BLTP3B: variants seen among roughly 807,000 people sequenced by gnomAD.
The protein encoded by BLTP3B is UHRF1 (ICBP90) binding protein 1-like.
At chr12:100,140,721 A>ATATATATTATAT in the BLTP3B span, among the ~76,000 whole-genome samples, 1 of 108,328 alleles carries the variant, frequency 9.2e-6, no homozygotes, top group African/African-American at 5.1e-5. Context: ...AAAAAAAAAA[A>ATATATATTATAT]AAAAAAAAAT....
chr12:100,052,799 T>G, the BLTP3B span, among the ~76,000 whole-genome samples: 2 of 148,040 alleles, frequency 1.4e-5, no homozygotes, highest in African/African-American at 2.5e-5. Flanking sequence ...TGTTTTTTTT[T>G]TTTTTTTTTT....
At chr12:100,041,156 T>A in the BLTP3B span, among the ~76,000 whole-genome samples, 60 of 152,224 alleles carry the variant, frequency 3.9e-4, no homozygotes, top group African/African-American at 1.3e-3. Flanking sequence ...GTATCTATCA[T>A]CCAAAAAGTA....
chr12:100,121,069 C>A, the BLTP3B span, among the ~76,000 whole-genome samples: 125 of 151,844 alleles, frequency 8.2e-4, no homozygotes, highest in African/African-American at 2.9e-3. Flanking sequence ...CAAACTAGGC[C>A]GGGCACAGTG....
At chr12:100,097,138 T>C in the BLTP3B span, among the ~76,000 whole-genome samples, 1 of 152,166 alleles carries the variant, frequency 6.6e-6, no homozygotes, top group Non-Finnish European at 1.5e-5. Context: ...GAAAAATCTA[T>C]TAAACCTAAG....
At chr12:100,094,751 GC>G in the BLTP3B span, among the ~76,000 whole-genome samples, 1 of 152,124 alleles carries the variant, frequency 6.6e-6, no homozygotes, top group Non-Finnish European at 1.5e-5. Context: ...TCCCAGCTAC[GC>G]GGGGGGCTGA....
chr12:100,093,886 A>G, the BLTP3B span, among the ~76,000 whole-genome samples: 7 of 152,144 alleles, frequency 4.6e-5, no homozygotes, highest in Non-Finnish European at 8.8e-5. Context: ...TAAAAATACT[A>G]TATTTCTGCA....
At chr12:100,129,176 G>A in the BLTP3B span, among the ~76,000 whole-genome samples, 1 of 151,512 alleles carries the variant, frequency 6.6e-6, no homozygotes, top group African/African-American at 2.4e-5. Flanking sequence ...CGAGAATACT[G>A]AGGCATAAAG....
the BLTP3B span, among the ~76,000 whole-genome samples, chr12:100,140,921 T>C: frequency 2.0e-5 from 3 of 151,444 alleles, no homozygotes; most frequent in African/African-American, 7.3e-5. Flanking sequence ...ATAAAAGAAT[T>C]AAACTCTAAT....
At chr12:100,100,568 C>T in the BLTP3B span, among the ~76,000 whole-genome samples, 1 of 151,630 alleles carries the variant, frequency 6.6e-6, no homozygotes, top group African/African-American at 2.4e-5. Context: ...AAAAACTAGC[C>T]AGGTATGGTG....
the BLTP3B span, chr12:100,059,872 C>T: frequency 8.1e-6 from 13 of 1,611,218 alleles, no homozygotes; most frequent in East Asian, 2.2e-5. Flanking sequence ...GCCATCAACT[C>T]GAACATCAAC....
At chr12:100,116,392 G>T in the BLTP3B span, among the ~76,000 whole-genome samples, 1 of 148,352 alleles carries the variant, frequency 6.7e-6, no homozygotes, top group Non-Finnish European at 1.5e-5. Context: ...AGGTGGAGTT[G>T]GTGCCTAGAT....
the BLTP3B span, chr12:100,083,263 A>G: frequency 1.1e-5 from 7 of 618,960 alleles, no homozygotes; most frequent in Non-Finnish European, 2.0e-5. Context: ...ATTTGTGGAC[A>G]TACTTTATAA....
chr12:100,141,160 G>T, the BLTP3B span, among the ~76,000 whole-genome samples: 10 of 151,980 alleles, frequency 6.6e-5, no homozygotes, highest in Admixed American at 6.6e-4. Context: ...AATTTTAAAA[G>T]AAACTTTTCA....
the BLTP3B span, among the ~76,000 whole-genome samples, chr12:100,141,622 G>A: frequency 6.6e-6 from 1 of 152,210 alleles, no homozygotes; most frequent in East Asian, 1.9e-4. Flanking sequence ...TACTATACAA[G>A]TCTATAATCA....
chr12:100,060,312 T>A, the BLTP3B span, among the ~76,000 whole-genome samples: 1 of 152,210 alleles, frequency 6.6e-6, no homozygotes, highest in Non-Finnish European at 1.5e-5. Flanking sequence ...ATATTTTGAA[T>A]ATATAAATTA....
the BLTP3B span, among the ~76,000 whole-genome samples, chr12:100,130,996 AGAGAGAGAGAGAGAG>A: frequency 0.17 from 17,976 of 106,734 alleles, 1,705 homozygotes; most frequent in African/African-American, 0.39. Context: ...AGAGAGAGAG[AGAGAGAGAGAGAGAG>A]AGAGAGAGAG....
the BLTP3B span, among the ~76,000 whole-genome samples, chr12:100,102,135 A>G: frequency 1.5e-5 from 2 of 133,048 alleles, no homozygotes; most frequent in African/African-American, 3.0e-5. Flanking sequence ...TTTGAGACGG[A>G]GTCTCGCTCT....
chr12:100,090,801 A>G, the BLTP3B span, among the ~76,000 whole-genome samples: 1 of 152,178 alleles, frequency 6.6e-6, no homozygotes, highest in Non-Finnish European at 1.5e-5. Flanking sequence ...TTTCAAAGCT[A>G]TAACAAGACT....
chr12:100,064,593 G>T, the BLTP3B span, among the ~76,000 whole-genome samples: 1,557 of 152,182 alleles, frequency 0.01, 36 homozygotes, highest in African/African-American at 0.035. Context: ...AGGTTTCTCA[G>T]CAGAAACCCT....
Sources: gnomAD v4.1 joint callset for allele counts (sites outside exome capture counted in the v4.1 genomes callset) on GRCh38, gnomAD v4.1.1 for gene constraint, MANE v1.5 for transcripts, NCBI Gene and HGNC (gene_info 2026-07-23, HGNC 2026-07-21) for gene names.